SLC2A2: variants seen among roughly 807,000 people sequenced by gnomAD.
The protein encoded by SLC2A2 is solute carrier family 2 member 2, also known as solute carrier family 2, facilitated glucose transporter member 2.
In SLC2A2, 36 loss-of-function variants were observed where a neutral mutation model predicts 54.5. The ratio of observed to expected loss-of-function variants is 0.66; its 90% CI spans 0.51 to 0.87. The LOEUF is 0.87. Among genes scored for constraint, SLC2A2 ranks in the 40% least tolerant of loss-of-function variants. The pLI is 0.00. For synonymous variants in SLC2A2, 223 were observed against 219.1 expected (o/e 1.02, Z -0.16); for missense variants, 543 against 624.3 (o/e 0.87, Z 1.39).
chr3:171,026,677 A>T lies in SLC2A2; in HGVS notation c.-7T>A, dbSNP rs752532783. 5 of 1,613,000 alleles carry T rather than the reference A, an allele frequency of 3.1e-6. No individual in the cohort carries two copies. The highest frequency in any genetic ancestry group is 4.2e-6 in the Non-Finnish European group (5 of 1,178,954). On this transcript the variant is annotated 5_prime_UTR_variant, in exon 1 of 11. Transcript: ENST00000314251. ...TTACCTTATCTTCTGTCATTGTACTAGTTGGGAGTCCTGTCAATTCCAGGT... is the reference window on the plus strand; with the variant it reads ...TTACCTTATCTTCTGTCATTGTACTTGTTGGGAGTCCTGTCAATTCCAGGT...
chr3:171,014,128 A>G (rs1199084626), intron 3 of SLC2A2, among the ~76,000 whole-genome samples: 1 of 152,362 alleles, frequency 6.6e-6, no homozygotes, highest in East Asian at 1.9e-4. Flanking sequence ...CTCCCAGGTT[A>G]AAAACTCTAA....
At position 171,008,387 on chromosome 3, in the gene SLC2A2, A is replaced by G. The variant is rs760510592; in HGVS notation, c.497-1124T>C. Among the ~76,000 whole-genome samples the G allele has an allele frequency of 1.7e-4, 26 of 152,110 alleles. 1 individual carries two copies. Among genetic ancestry groups the G allele is most frequent in the Non-Finnish European group, 2.5e-4 (17 of 67,996 alleles). Reference sequence around the variant, plus strand: ...ATTTGGCTCAATTCTAAGTTGTACTATCTTTCTGTAATAGCTAATACTATA... The same window carrying G: ...ATTTGGCTCAATTCTAAGTTGTACTGTCTTTCTGTAATAGCTAATACTATA... On this transcript the variant is annotated intron_variant, in intron 4 of 10. Transcript: ENST00000314251.
chr3:171,001,129 G>A lies in SLC2A2; in HGVS notation c.1068+1447C>T, dbSNP rs1464309388. On this transcript the variant is annotated intron_variant, in intron 8 of 10. Transcript: ENST00000314251. ...TCCTCCCACATCAGTGGGGTTGGGA[G>A]CAGGGTGCAAAAATGAAACTTTACA... 3.9e-5 allele frequency among the ~76,000 whole-genome samples: 6 copies of A among 151,986 alleles called. No individual in the cohort carries two copies. In the East Asian group the frequency reaches 1.2e-3, roughly 29 times the overall value.
intron 5 of SLC2A2, 103 bp from the exon 6 acceptor site, chr3:171,006,208 G>A: frequency 9.6e-7 from 1 of 1,043,182 alleles, no homozygotes. Flanking sequence ...AGTAGTCTCT[G>A]ACAACTTTGG....
At position 170,998,041 on chromosome 3, in the gene SLC2A2, G is replaced by A. The variant is rs5398; in HGVS notation, c.1437C>T (p.Phe479=). 488,077 of 1,613,122 alleles carry A rather than the reference G, an allele frequency of 0.3. 78,050 individuals carry two copies. Among genetic ancestry groups the A allele is most frequent in the African/African-American group, 0.6 (44,884 of 74,910 alleles). Residue 479 remains phenylalanine (F), a synonymous_variant, in exon 11 of 11, where the codon TTC becomes TTT. Transcript: ENST00000314251. The part of the protein sequence containing the change: ...FAGVLLAFTL[F]TFFKVPETKG... The stretch of plus-strand genomic sequence containing the variant: ...TGGTTTCTGGAACTTTAAAAAATGT[G>A]AACAGGGTAAAGGCCAGGAGCACTC...
chr3:171,006,451 G>A (rs982612616), intron 5 of SLC2A2, among the ~76,000 whole-genome samples: 2 of 152,044 alleles, frequency 1.3e-5, no homozygotes, highest in African/African-American at 4.8e-5. Context: ...ACACATAGCT[G>A]TATTCTCCAG....
At position 171,007,173 on chromosome 3, in the gene SLC2A2, A is replaced by T. The variant is rs771182536; in HGVS notation, c.587T>A (p.Ile196Asn). ...CTGACTAATAAGAATGCCCGTGACG[A>T]TGGCCAGCTGATGAAAAGTGCCAAG... ...GALGTFHQLA[I>N]VTGILISQII... The change falls in exon 5 of 11, where the codon ATC becomes AAC. Residue 196 changes from isoleucine to asparagine, a missense_variant. Physicochemically the swap from Ile to Asn is moderately radical, Grantham distance 149 (BLOSUM62 -3). Around this residue, in one of 3 missense-constraint regions of SLC2A2, gnomAD observed 318 missense variants for 343.8 expected, o/e 0.93. Coordinates refer to ENST00000314251, the MANE Select transcript of SLC2A2 (RefSeq NM_000340.2). 1.2e-6 allele frequency: 2 copies of T among 1,612,010 alleles called. No homozygotes were observed. The highest frequency in any genetic ancestry group is 1.1e-5 in the South Asian group (1 of 91,034).
At chr3:171,017,383 A>G (rs1370819776) in intron 2 of SLC2A2, among the ~76,000 whole-genome samples, 2 of 152,194 alleles carry the variant, frequency 1.3e-5, no homozygotes, top group African/African-American at 4.8e-5. Flanking sequence ...TGATGATTGT[A>G]GCACCTAATC....
At chr3:171,005,922 A>G in intron 6 of SLC2A2, 21 bp downstream of exon 6, 3 of 1,609,028 alleles carry the variant, frequency 1.9e-6, no homozygotes, top group Non-Finnish European at 2.6e-6. Flanking sequence ...AGGAAGAAAG[A>G]AAAACCATCC....
At chr3:171,007,002 T>C in intron 5 of SLC2A2, 146 bp downstream of exon 5, 1 of 690,014 alleles carries the variant, frequency 1.4e-6, no homozygotes, top group Non-Finnish European at 2.7e-6. Flanking sequence ...TTTCTCTCTG[T>C]GCTGGTCTAC....
intron 8 of SLC2A2, among the ~76,000 whole-genome samples, chr3:171,000,903 C>A (rs2108236583): frequency 6.6e-6 from 1 of 152,122 alleles, no homozygotes; most frequent in Admixed American, 6.6e-5. Context: ...CCTTTTTATA[C>A]TTTTTGAACT....
intron 8 of SLC2A2, among the ~76,000 whole-genome samples, chr3:171,002,284 C>A (rs901065589): frequency 6.6e-6 from 1 of 151,986 alleles, no homozygotes; most frequent in Non-Finnish European, 1.5e-5. Context: ...ACCTAGGAAT[C>A]TGCACAAGGA....
chr3:171,010,159 G>T, intron 3 of SLC2A2, 77 bp from the exon 4 acceptor site: 2 of 1,464,956 alleles, frequency 1.4e-6, no homozygotes. Flanking sequence ...AGCATGTTGA[G>T]ATTTTTTTTA....
intron 2 of SLC2A2, among the ~76,000 whole-genome samples, chr3:171,018,213 A>C (rs1216952362): frequency 6.6e-6 from 1 of 152,130 alleles, no homozygotes; most frequent in African/African-American, 2.4e-5. Flanking sequence ...TGAATGTTGC[A>C]ATAAGCTCTT....
rs1360880583 is a variant in SLC2A2, at chr3:170,997,752, T to C, written c.*151A>G. On this transcript the variant is annotated 3_prime_UTR_variant, in exon 11 of 11. Transcript: ENST00000314251. ...TATTCTCTAACTTAAAAAAATACTT[T>C]TTTGGTAATATTTGATGACATTTCT... is the stretch of plus-strand genomic sequence containing the variant. The C allele has an allele frequency of 1.4e-6, 1 of 696,670 alleles. No homozygotes were observed. Among genetic ancestry groups the C allele is most frequent in the African/African-American group, 1.8e-5 (1 of 55,328 alleles). The allele number at this position is 696,670 out of a possible 1,614,324, so 43.2% of individuals were successfully genotyped here.
chr3:171,020,634 C>T (rs1318300371), intron 1 of SLC2A2, among the ~76,000 whole-genome samples: 2 of 152,018 alleles, frequency 1.3e-5, no homozygotes, highest in East Asian at 3.9e-4. Context: ...TGTAATCCCA[C>T]CACTTTGAGG....
intron 2 of SLC2A2, 56 bp downstream of exon 2, chr3:171,018,472 TATG>T: frequency 8.7e-7 from 1 of 1,149,538 alleles, no homozygotes; most frequent in Non-Finnish European, 1.3e-6. Flanking sequence ...ATGAGGAACA[TATG>T]ATATCTATCA....
chr3:171,006,699 C>T (rs983658922), intron 5 of SLC2A2, among the ~76,000 whole-genome samples: 1 of 152,014 alleles, frequency 6.6e-6, no homozygotes, highest in East Asian at 1.9e-4. Flanking sequence ...GAAGGATAGA[C>T]TCAGCTGAAC....
At chr3:171,007,066 G>C (rs1402085446) in intron 5 of SLC2A2, 82 bp downstream of exon 5, 1 of 800,928 alleles carries the variant, frequency 1.2e-6, no homozygotes, top group South Asian at 1.4e-5. Context: ...AGGAAGTACA[G>C]TAGGGGATGC....
Sources: gnomAD v4.1 joint callset for allele counts (sites outside exome capture counted in the v4.1 genomes callset) on GRCh38, gnomAD v4.1.1 for gene constraint, gnomAD v4.1.1 regional missense constraint, MANE v1.5 for transcripts, NCBI Gene and HGNC (gene_info 2026-07-23, HGNC 2026-07-21) for gene names.